The following CTNNA1 variants were observed in gnomAD, a reference collection of about 807,000 sequenced individuals.
CTNNA1 encodes the protein catenin alpha-1.
In CTNNA1, 37 loss-of-function variants were observed where a neutral mutation model predicts 98.4. That is an observed-to-expected ratio of 0.38 (90% CI 0.29 to 0.49). The LOEUF (loss-of-function observed/expected upper bound fraction) is 0.49. Ranked by LOEUF, CTNNA1 falls within the 20% of genes least tolerant of loss-of-function variation. CTNNA1 has a pLI of 0.95. For missense variants in CTNNA1, 761 were observed against 1,147.2 expected, an observed-to-expected ratio of 0.66 and a Z score of 4.86; for synonymous variants, 404 against 413.2, an observed-to-expected ratio of 0.98 and a Z score of 0.27.
At chr5:138,816,027 A>T (rs1195284923) in intron 5 of CTNNA1, among the ~76,000 whole-genome samples, 4 of 152,100 alleles carry the variant, frequency 2.6e-5, no homozygotes, top group Admixed American at 6.6e-5. Context: ...CCTCCTATTT[A>T]ACTGTATATT....
At chr5:138,828,645 A>C (rs1315296211) in intron 7 of CTNNA1, among the ~76,000 whole-genome samples, 6 of 152,228 alleles carry the variant, frequency 3.9e-5, no homozygotes, top group Non-Finnish European at 7.4e-5. Context: ...ACACCTAAAA[A>C]AAAGATCTTG....
intron 7 of CTNNA1, 150 bp downstream of exon 7, chr5:138,827,868 A>G: frequency 5.7e-6 from 5 of 881,718 alleles, no homozygotes; most frequent in Non-Finnish European, 6.8e-6. Context: ...AAAGAAATGG[A>G]TAAATGGCTA....
At chr5:138,805,926 CTGT>C (rs1465610810) in intron 3 of CTNNA1, among the ~76,000 whole-genome samples, 3 of 151,374 alleles carry the variant, frequency 2.0e-5, no homozygotes, top group Admixed American at 6.6e-5. Context: ...GTTTTTTGTT[CTGT>C]TGTTTGTACT....
intron 12 of CTNNA1, 118 bp downstream of exon 12, chr5:138,924,828 A>G (rs940986017): frequency 4.4e-6 from 4 of 907,892 alleles, no homozygotes; most frequent in Non-Finnish European, 6.7e-6. Flanking sequence ...ATTTGGTCTC[A>G]TGGCACATCG....
chr5:138,879,171 TAA>T (rs35271091), intron 7 of CTNNA1, among the ~76,000 whole-genome samples: 40 of 80,314 alleles, frequency 5.0e-4, no homozygotes, highest in Admixed American at 1.8e-3. Flanking sequence ...ACTCCGTCTT[TAA>T]AAAAAAAAAA....
intron 7 of CTNNA1, among the ~76,000 whole-genome samples, chr5:138,862,085 T>G (rs771651838): frequency 6.6e-6 from 1 of 152,214 alleles, no homozygotes; most frequent in Non-Finnish European, 1.5e-5. Context: ...TCTGATAAGA[T>G]TGTATGTCTT....
At chr5:138,869,364 GTCTC>G (rs1329306388) in intron 7 of CTNNA1, 1 of 147,738 alleles carries the variant, frequency 6.8e-6, no homozygotes, top group South Asian at 2.1e-4. Context: ...TGGCCTTACT[GTCTC>G]TCTCTCTTTT....
Position 138,904,452 on chromosome 5 carries a change from A to G in CTNNA1, c.1389+11A>G, listed in dbSNP as rs758644437. On this transcript the variant is annotated intron_variant, in intron 10 of 17. Transcript: ENST00000302763. ...GCCCTCTGTCCTCAGGTAAAGTACA[A>G]CTGACACTGGTGACAGCATAACCAA... 1 of 1,611,448 alleles carries G rather than the reference A, an allele frequency of 6.2e-7. No homozygotes were observed. Among genetic ancestry groups the G allele is most frequent in the Non-Finnish European group, 8.5e-7 (1 of 1,178,806 alleles).
intron 7 of CTNNA1, among the ~76,000 whole-genome samples, chr5:138,859,200 A>G (rs1764036540): frequency 2.6e-5 from 4 of 152,128 alleles, no homozygotes; most frequent in South Asian, 2.1e-4. Flanking sequence ...CCATATTCCT[A>G]TTTGTTTTCC....
At chr5:138,827,198 G>A (rs1760811687) in intron 6 of CTNNA1, among the ~76,000 whole-genome samples, 1 of 152,150 alleles carries the variant, frequency 6.6e-6, no homozygotes, top group South Asian at 2.1e-4. Flanking sequence ...CTGATGATTT[G>A]AATTGCTAGT....
intron 7 of CTNNA1, chr5:138,870,136 G>C (rs1242890372): frequency 6.6e-6 from 1 of 152,156 alleles, no homozygotes; most frequent in African/African-American, 2.4e-5. Context: ...GTGGTGAAGA[G>C]GATAAAACCC....
intron 6 of CTNNA1, among the ~76,000 whole-genome samples, chr5:138,826,347 A>G (rs1349921336): frequency 6.6e-6 from 1 of 152,222 alleles, no homozygotes; most frequent in Non-Finnish European, 1.5e-5. Context: ...GAAAAATTAA[A>G]GCCATAATAT....
chr5:138,897,608 A>T (rs934215460), intron 9 of CTNNA1, among the ~76,000 whole-genome samples: 8 of 152,036 alleles, frequency 5.3e-5, no homozygotes. Context: ...CAGATTATGG[A>T]ATGTTTTCAC....
chr5:138,907,502 A>G (rs898059365), intron 10 of CTNNA1, among the ~76,000 whole-genome samples: 2 of 152,138 alleles, frequency 1.3e-5, no homozygotes, highest in African/African-American at 4.8e-5. Context: ...CTCTCCTTCA[A>G]GGAAGCGAAG....
chr5:138,851,353 A>G (rs917984053), intron 7 of CTNNA1, among the ~76,000 whole-genome samples: 1 of 152,166 alleles, frequency 6.6e-6, no homozygotes, highest in Non-Finnish European at 1.5e-5. Context: ...GCAGCTAGTC[A>G]TCATAGAAGG....
Position 138,825,675 on chromosome 5 carries a change from TTTTC to T in CTNNA1, c.858+884_858+887del, listed in dbSNP as rs1465872931. 2.6e-5 allele frequency among the ~76,000 whole-genome samples: 4 copies of T among 152,150 alleles called. No homozygotes were observed. The East Asian group carries it at 5.8e-4, about 22-fold the overall frequency. ...TTTTAAGTTTTTCCTTGCCTTTACC[TTTTC>T]TTTCTTTTGCCACTTTACTTTCGCT... On this transcript the variant is annotated intron_variant, in intron 6 of 17. Transcript: ENST00000302763.
chr5:138,773,171 A>T (rs965406282), intron 1 of CTNNA1, among the ~76,000 whole-genome samples: 1 of 152,212 alleles, frequency 6.6e-6, no homozygotes, highest in African/African-American at 2.4e-5. Context: ...GCATCATTTC[A>T]TGATGTTCAG....
intron 7 of CTNNA1, among the ~76,000 whole-genome samples, chr5:138,829,400 G>A (rs1171772820): frequency 6.6e-6 from 1 of 152,192 alleles, no homozygotes; most frequent in Non-Finnish European, 1.5e-5. Flanking sequence ...GTGTAAAAGT[G>A]TCTTATGTAG....
chr5:138,853,241 C>G (rs910368923), intron 7 of CTNNA1, among the ~76,000 whole-genome samples: 3 of 152,048 alleles, frequency 2.0e-5, no homozygotes, highest in African/African-American at 7.2e-5. Context: ...AGCCACTGCA[C>G]CCGGCCTGCT....
Sources: allele counts gnomAD v4.1 joint callset (sites outside exome capture counted in the v4.1 genomes callset), GRCh38; gene constraint gnomAD v4.1.1; transcripts MANE v1.5; gene names NCBI Gene and HGNC (gene_info 2026-07-23, HGNC 2026-07-21).